The following SLC9A9 variants were observed in gnomAD, a reference collection of about 807,000 sequenced individuals.
SLC9A9 encodes solute carrier family 9 member A9, also known as sodium/hydrogen exchanger 9.
Under a neutral mutation model 77.8 loss-of-function variants are expected in SLC9A9, and 62 were observed. That is an observed-to-expected ratio of 0.80 (90% confidence interval 0.65 to 0.98). The LOEUF is 0.98. SLC9A9 is among the 50% of genes least tolerant of loss of function. The pLI, the probability that SLC9A9 is intolerant of heterozygous loss-of-function variation, is 0.00. For missense variants in SLC9A9, 775 were observed against 774.9 expected, an observed-to-expected ratio of 1.00 and a Z score of 0.00; for synonymous variants, 320 against 283.5, an observed-to-expected ratio of 1.13 and a Z score of -1.29.
intron 2 of SLC9A9, among the ~76,000 whole-genome samples, chr3:143,819,304 T>C (rs1008945557): frequency 2.2e-4 from 33 of 152,130 alleles, no homozygotes; most frequent in African/African-American, 7.2e-4. Context: ...ACATACAAAA[T>C]TGACAGATAG....
chr3:143,381,215 C>T (rs1036417410), intron 13 of SLC9A9: 1 of 152,128 alleles, frequency 6.6e-6, no homozygotes, highest in African/African-American at 2.4e-5. Context: ...ATTCTAACTC[C>T]CACAATTCCC....
intron 14 of SLC9A9, among the ~76,000 whole-genome samples, chr3:143,283,755 A>T (rs1412832329): frequency 6.6e-6 from 1 of 152,216 alleles, no homozygotes; most frequent in East Asian, 1.9e-4. Flanking sequence ...GTGAATTATG[A>T]GTGCAAACGG....
At chr3:143,305,969 G>A (rs1022767599) in intron 14 of SLC9A9, among the ~76,000 whole-genome samples, 1 of 151,992 alleles carries the variant, frequency 6.6e-6, no homozygotes, top group Non-Finnish European at 1.5e-5. Flanking sequence ...ATTTCCTTGC[G>A]GGATATTCTA....
At chr3:143,743,248 T>C (rs1233746738) in intron 4 of SLC9A9, among the ~76,000 whole-genome samples, 1 of 86,506 alleles carries the variant, frequency 1.2e-5, no homozygotes, top group Non-Finnish European at 2.8e-5. Flanking sequence ...GATGGATAGA[T>C]AGATAGATAG....
chr3:143,600,946 G>T (rs2037836055), intron 6 of SLC9A9, among the ~76,000 whole-genome samples: 1 of 152,184 alleles, frequency 6.6e-6, no homozygotes, highest in South Asian at 2.1e-4. Flanking sequence ...AGTTCTGTGT[G>T]ATTTATTTCA....
rs542244821 is a variant in SLC9A9, at chr3:143,819,513, T to C, written c.378+12506A>G. ...GTAAATCAAACTTGACCAAGTCACTTAAGCTTCCAGAACTTTGGTTCCTCC... is the reference window on the plus strand; with the variant it reads ...GTAAATCAAACTTGACCAAGTCACTCAAGCTTCCAGAACTTTGGTTCCTCC... On this transcript the variant is annotated intron_variant, in intron 2 of 15. Coordinates refer to ENST00000316549, the MANE Select transcript of SLC9A9 (RefSeq NM_173653.4). 1.8e-4 allele frequency among the ~76,000 whole-genome samples: 28 copies of C among 152,332 alleles called. No individual in the cohort carries two copies. In the South Asian group the frequency reaches 5.6e-3, roughly 30 times the overall value.
intron 9 of SLC9A9, among the ~76,000 whole-genome samples, chr3:143,533,628 C>T (rs554783682): frequency 1.3e-5 from 2 of 152,280 alleles, no homozygotes; most frequent in Admixed American, 1.3e-4. Flanking sequence ...AAAAACCCTA[C>T]ATCTTTAGAT....
At chr3:143,514,822 T>A (rs2036176969) in intron 9 of SLC9A9, among the ~76,000 whole-genome samples, 1 of 152,202 alleles carries the variant, frequency 6.6e-6, no homozygotes, top group Non-Finnish European at 1.5e-5. Context: ...CACTAAAACT[T>A]TCTCTATATC....
rs542864615 is a variant in SLC9A9, at chr3:143,341,940, ACCC to A, written c.1604+21541_1604+21543del. On this transcript the variant is annotated intron_variant, in intron 14 of 15. Coordinates refer to ENST00000316549, the MANE Select transcript of SLC9A9 (RefSeq NM_173653.4). ...TATCAACACTGGTCCCTTACAAAGG[ACCC>A]ATGCAGATGAAGAGCCCTGAAAGCT... is the stretch of plus-strand genomic sequence containing the variant. 2.5e-3 allele frequency among the ~76,000 whole-genome samples: 377 copies of A among 152,294 alleles called. 1 individual carries two copies. The highest frequency in any genetic ancestry group is 8.8e-3 in the African/African-American group (364 of 41,564).
At chr3:143,340,016 C>G (rs2165518) in intron 14 of SLC9A9, among the ~76,000 whole-genome samples, 3 of 151,920 alleles carry the variant, frequency 2.0e-5, no homozygotes, top group African/African-American at 7.3e-5. Flanking sequence ...GAACACAACA[C>G]GAGAACTTTT....
At chr3:143,742,822 T>C (rs2108817853) in intron 4 of SLC9A9, among the ~76,000 whole-genome samples, 1 of 152,248 alleles carries the variant, frequency 6.6e-6, no homozygotes, top group East Asian at 1.9e-4. Flanking sequence ...CTGTGGGGTG[T>C]GGGAGGGTGC....
chr3:143,560,401 T>C (rs1284747111), intron 8 of SLC9A9, among the ~76,000 whole-genome samples: 1 of 152,234 alleles, frequency 6.6e-6, no homozygotes, highest in African/African-American at 2.4e-5. Context: ...ATAAGACATC[T>C]TCAAAGGAGT....
chr3:143,631,224 A>AT (rs2038418416), intron 6 of SLC9A9, among the ~76,000 whole-genome samples: 1 of 152,132 alleles, frequency 6.6e-6, no homozygotes, highest in Admixed American at 6.6e-5. Flanking sequence ...TCCAAACAAA[A>AT]CTTAGTAGGG....
At chr3:143,613,430 C>T (rs2038051869) in intron 6 of SLC9A9, among the ~76,000 whole-genome samples, 2 of 152,130 alleles carry the variant, frequency 1.3e-5, no homozygotes. Flanking sequence ...GTTGAAACTT[C>T]TCAAATTTTG....
rs1442298496 is a variant in SLC9A9 at position 143,315,192 on chromosome 3, A to G, written c.1605-46212T>C. Among the ~76,000 whole-genome samples, 3 of 152,356 alleles carry G rather than the reference A, an allele frequency of 2.0e-5. No individual in the cohort carries two copies. In the East Asian group the frequency reaches 5.8e-4, roughly 29 times the overall value. Reference sequence around the variant, plus strand: ...AGGATAAATTTAAAGTACCTCAGCTATAAGCCCCAGTAAAGACAAGTTGTA... The same window carrying G: ...AGGATAAATTTAAAGTACCTCAGCTGTAAGCCCCAGTAAAGACAAGTTGTA... On this transcript the variant is annotated intron_variant, in intron 14 of 15. Coordinates refer to ENST00000316549, the MANE Select transcript of SLC9A9 (RefSeq NM_173653.4).
chr3:143,432,118 A>T (rs12637967), intron 12 of SLC9A9, among the ~76,000 whole-genome samples: 1 of 152,030 alleles, frequency 6.6e-6, no homozygotes, highest in Non-Finnish European at 1.5e-5. Context: ...TGTTAAGCTA[A>T]TTTCTCACGG....
intron 5 of SLC9A9, among the ~76,000 whole-genome samples, chr3:143,672,406 AAC>A (rs1475127789): frequency 6.6e-6 from 1 of 152,242 alleles, no homozygotes; most frequent in Non-Finnish European, 1.5e-5. Context: ...TAAATATTGA[AAC>A]ACAACAGTGA....
chr3:143,681,218 A>G (rs1307811422), intron 5 of SLC9A9, among the ~76,000 whole-genome samples: 1 of 152,212 alleles, frequency 6.6e-6, no homozygotes, highest in Non-Finnish European at 1.5e-5. Context: ...AACCTTCTTG[A>G]ATTATCCAGT....
intron 5 of SLC9A9, among the ~76,000 whole-genome samples, chr3:143,692,945 A>G (rs1264417433): frequency 6.6e-6 from 1 of 152,200 alleles, no homozygotes; most frequent in African/African-American, 2.4e-5. Context: ...AGCTTATTCT[A>G]GAGAAATAAA....
Sources: allele counts gnomAD v4.1 joint callset (sites outside exome capture counted in the v4.1 genomes callset), GRCh38; gene constraint gnomAD v4.1.1; transcripts MANE v1.5; gene names NCBI Gene and HGNC (gene_info 2026-07-23, HGNC 2026-07-21).